STIP1: variants seen among roughly 807,000 people sequenced by gnomAD.
STIP1 encodes the protein stress induced phosphoprotein 1.
Under a neutral mutation model 77.4 loss-of-function variants are expected in STIP1, and 16 were observed. That is an observed-to-expected ratio of 0.21 (90% CI 0.14 to 0.31). The LOEUF is 0.31. Among genes scored for constraint, STIP1 ranks in the 10% least tolerant of loss-of-function variants. The pLI is 1.00. For synonymous variants in STIP1, 258 were observed against 246.6 expected (o/e 1.05, Z -0.44); for missense variants, 524 against 684.8 (o/e 0.77, Z 2.62).
At chr11:64,201,230 G>C (rs1291336256) in intron 10 of STIP1, among the ~76,000 whole-genome samples, 1 of 152,110 alleles carries the variant, frequency 6.6e-6, no homozygotes, top group Non-Finnish European at 1.5e-5. Flanking sequence ...TATAGAGACA[G>C]GGTTTCACCA....
At chr11:64,202,638 A>G (rs1196474388) in intron 10 of STIP1, 1 of 567,448 alleles carries the variant, frequency 1.8e-6, no homozygotes, top group African/African-American at 1.9e-5. Flanking sequence ...TGTACTCTTC[A>G]GTTTCTCAAA....
Position 64,194,048 on chromosome 11 carries a change from A to G in STIP1, c.220-141A>G, listed in dbSNP as rs186910070. The G allele has an allele frequency of 1.7e-3, 2,025 of 1,167,946 alleles. 28 individuals carry two copies. In the South Asian group the frequency reaches 0.025, roughly 14 times the overall value. The allele number at this position is 1,167,946 out of a possible 1,614,324, so 72.3% of individuals were successfully genotyped here. On this transcript the variant is annotated intron_variant, in intron 2 of 13. Transcript: ENST00000305218. ...AGTAGCAGCCTTGGCCTCGTAGCCT[A>G]CTCCTCTCCTTTTTTTCTCTTTGGC... is the stretch of plus-strand genomic sequence containing the variant.
rs1946249493 is a variant in STIP1, at chr11:64,203,820, A to G, written c.1559+198A>G. On this transcript the variant is annotated intron_variant, in intron 13 of 13. Coordinates refer to ENST00000305218, the MANE Select transcript of STIP1 (RefSeq NM_006819.3). ...GTGATAGCTTAAGCAGTCATTTGGA[A>G]AGGCCCATTTAGCTGGGAGAAAGGT... 3 of 793,168 alleles carry G rather than the reference A, an allele frequency of 3.8e-6. No homozygotes were observed. In the East Asian group the frequency reaches 8.0e-5, roughly 21 times the overall value. The allele number at this position is 793,168 out of a possible 1,614,324, so 49.1% of individuals were successfully genotyped here.
chr11:64,203,705 G>T (rs1429945210), intron 13 of STIP1, 83 bp downstream of exon 13: 1 of 1,548,402 alleles, frequency 6.5e-7, no homozygotes, highest in Admixed American at 1.8e-5. Context: ...GGGGTGGTAT[G>T]CTCAGTCTGC....
chr11:64,202,611 ATTT>A (rs1366479089), intron 10 of STIP1: 12 of 491,798 alleles, frequency 2.4e-5, no homozygotes, highest in African/African-American at 2.3e-4. Context: ...AGGCCCACGC[ATTT>A]TGTCTAGTTG....
rs766561338 is a variant in STIP1, at chr11:64,195,781, A to G, written c.640A>G (p.Met214Val). Residue 214 changes from methionine to valine, a missense_variant, in exon 5 of 14, where the codon ATG (methionine) becomes GTG (valine). By Grantham distance (21) the Met-to-Val change is conservative. Coordinates refer to ENST00000305218, the MANE Select transcript of STIP1 (RefSeq NM_006819.3). The stretch of plus-strand genomic sequence containing the variant: ...CAAAAAGGAGACCAAGCCAGAGCCA[A>G]TGGAAGAAGATCTTCCAGAGAATAA... ...PPKKETKPEPMEEDLPENKKQ... is the reference protein window; with the variant it reads ...PPKKETKPEPVEEDLPENKKQ... 1.2e-6 allele frequency: 2 copies of G among 1,614,158 alleles called. No individual in the cohort carries two copies. The highest frequency in any genetic ancestry group is 1.1e-5 in the South Asian group (1 of 91,080).
At position 64,194,243 on chromosome 11, in the gene STIP1, A is replaced by G; in HGVS notation, c.274A>G (p.Lys92Glu). The G allele has an allele frequency of 6.2e-7, 1 of 1,614,260 alleles. No homozygotes were observed. Among genetic ancestry groups the G allele is most frequent in the Non-Finnish European group, 8.5e-7 (1 of 1,180,052 alleles). Residue 92 changes from lysine to glutamate, a missense_variant, in exon 3 of 14, where the codon AAG becomes GAG. Physicochemically the swap from Lys to Glu is moderately conservative, Grantham distance 56 (BLOSUM62 1). Coordinates refer to ENST00000305218, the MANE Select transcript of STIP1 (RefSeq NM_006819.3). ...LEFLNRFEEA[K>E]RTYEEGLKHE... ...GTTCTTAAACCGCTTTGAAGAAGCC[A>G]AGCGAACCTATGAGGAGGGCTTAAA...
chr11:64,199,696 T>C (rs1946194339), intron 8 of STIP1, among the ~76,000 whole-genome samples: 1 of 150,308 alleles, frequency 6.7e-6, no homozygotes, highest in Non-Finnish European at 1.5e-5. Flanking sequence ...CCCGAGTAGC[T>C]GGGACTACAG....
Position 64,193,218 on chromosome 11 carries a change from G to A in STIP1, c.150G>A (p.Lys50=). 7 of 1,614,214 alleles carry A rather than the reference G, an allele frequency of 4.3e-6. No homozygotes were observed. The highest frequency in any genetic ancestry group is 5.1e-6 in the Non-Finnish European group (6 of 1,180,032). ...LYSNRSAAYA[K]KGDYQKAYED... ...GCAACCGTTCTGCTGCCTATGCCAA[G>A]AAAGGAGACTACCAGAAGGCTTATG... The change falls in exon 2 of 14, where the codon AAG becomes AAA. Residue 50 remains lysine (K), a synonymous_variant. Coordinates refer to ENST00000305218, the MANE Select transcript of STIP1 (RefSeq NM_006819.3).
At chr11:64,194,661 A>T in intron 4 of STIP1, 41 bp downstream of exon 4, 1 of 1,604,006 alleles carries the variant, frequency 6.2e-7, no homozygotes, top group African/African-American at 1.3e-5. Flanking sequence ...AAATCGGGGA[A>T]TGTTATGCTT....
At chr11:64,192,084 G>A (rs1051388716) in intron 1 of STIP1, among the ~76,000 whole-genome samples, 31 of 152,122 alleles carry the variant, frequency 2.0e-4, no homozygotes, top group Admixed American at 1.6e-3. Context: ...AGGCCAAGGC[G>A]TGTGGATCAC....
rs544898301 is a variant in STIP1 at position 64,187,367 on chromosome 11, ACTTGGG to A, written c.9+1098_9+1103del. On this transcript the variant is annotated intron_variant, in intron 1 of 13. Coordinates refer to ENST00000305218, the MANE Select transcript of STIP1 (RefSeq NM_006819.3). ...ACTGTCTTCGCTCCGGGCCCATAAC[ACTTGGG>A]GGTGACAATTCTGAAACTATACCTG... Among the ~76,000 whole-genome samples the A allele has an allele frequency of 2.6e-3, 401 of 151,862 alleles. 1 individual carries two copies. Among genetic ancestry groups the A allele is most frequent in the South Asian group, 1.0e-2 (48 of 4,804 alleles).
chr11:64,197,631 G>T lies in STIP1; in HGVS notation c.902+36G>T, dbSNP rs772257291. The T allele has an allele frequency of 4.2e-5, 67 of 1,611,030 alleles. No individual in the cohort carries two copies. The Admixed American group carries it at 1.1e-3, about 26-fold the overall frequency. The stretch of plus-strand genomic sequence containing the variant: ...CCTTCCAGAATACCTTGAGTAGCGC[G>T]GAGGGTTTGCTGTCCAAGACTTAAG... On this transcript the variant is annotated intron_variant, in intron 7 of 13. Transcript: ENST00000305218.
chr11:64,203,115 C>T lies in STIP1; in HGVS notation c.1283-10C>T, dbSNP rs567398134. The T allele has an allele frequency of 6.8e-6, 11 of 1,614,156 alleles. No individual in the cohort carries two copies. The highest frequency in any genetic ancestry group is 6.6e-5 in the South Asian group (6 of 91,074). ...GCGGTTGGATAACGCGCCACCTTTC[C>T]TGTTTGTAGTCAAGGGTTATACACG... On this transcript the variant is annotated splice_polypyrimidine_tract_variant and intron_variant, in intron 11 of 13. Transcript: ENST00000305218.
At position 64,188,058 on chromosome 11, in the gene STIP1, G is replaced by T. The variant is rs796588695; in HGVS notation, c.9+1788G>T. ...GTCTCAAAAAAAAAAAAAAAAAAAA[G>T]GATCTCGGCTGGGCGCAGTGGCTCA... On this transcript the variant is annotated intron_variant, in intron 1 of 13. Transcript: ENST00000305218. Among the ~76,000 whole-genome samples the T allele has an allele frequency of 3.0e-5, 4 of 134,530 alleles. No homozygotes were observed. The East Asian group carries it at 8.4e-4, about 28-fold the overall frequency. 88.3% of individuals were successfully genotyped at this position (134,530 alleles called of 152,430 possible). A position where few individuals can be genotyped will look rare whatever the true frequency, so the allele number is the denominator to read the frequency against.
Position 64,204,283 on chromosome 11 carries a change from G to C in STIP1, c.*157G>C. 1.4e-6 allele frequency: 1 copy of C among 716,704 alleles called. No homozygotes were observed. Among genetic ancestry groups the C allele is most frequent in the Non-Finnish European group, 2.2e-6 (1 of 444,816 alleles). The allele number at this position is 716,704 out of a possible 1,614,324, so 44.4% of individuals were successfully genotyped here. ...GGAAGACACAGAGACTCGTACCTGC[G>C]CTGTTTGTGCCGCCGCTGCCTCTGG... On this transcript the variant is annotated 3_prime_UTR_variant, in exon 14 of 14. Coordinates refer to ENST00000305218, the MANE Select transcript of STIP1 (RefSeq NM_006819.3).
At position 64,193,074 on chromosome 11, in the gene STIP1, T is replaced by G. The variant is rs1029959379; in HGVS notation, c.10-4T>G. The G allele has an allele frequency of 6.2e-7, 1 of 1,613,850 alleles. No individual in the cohort carries two copies. The highest frequency in any genetic ancestry group is 8.5e-7 in the Non-Finnish European group (1 of 1,180,002). ...AGAGAAGCTGTGTGTTCCTTTCCCCTCAGGTCAATGAGCTGAAGGAGAAAG... is the reference window on the plus strand; with the variant it reads ...AGAGAAGCTGTGTGTTCCTTTCCCCGCAGGTCAATGAGCTGAAGGAGAAAG... On this transcript the variant is annotated splice_region_variant and splice_polypyrimidine_tract_variant and intron_variant, in intron 1 of 13. Coordinates refer to ENST00000305218, the MANE Select transcript of STIP1 (RefSeq NM_006819.3).
intron 13 of STIP1, 175 bp from the exon 14 acceptor site, chr11:64,203,879 A>C (rs1946250456): frequency 1.2e-6 from 1 of 830,486 alleles, no homozygotes; most frequent in African/African-American, 1.7e-5. Context: ...GCTCAAGAGT[A>C]GGACTGGCAA....
Position 64,197,409 on chromosome 11 carries a change from A to G in STIP1, c.799+12A>G. The G allele has an allele frequency of 6.2e-7, 1 of 1,614,114 alleles. No individual in the cohort carries two copies. The highest frequency in any genetic ancestry group is 8.5e-7 in the Non-Finnish European group (1 of 1,180,028). ...TACCAATCAAGCAGGTGAGGCCCAG[A>G]AACAAGGGGCAAGGGAATTGTTGGG... On this transcript the variant is annotated intron_variant, in intron 6 of 13. Coordinates refer to ENST00000305218, the MANE Select transcript of STIP1 (RefSeq NM_006819.3).
Sources: gnomAD v4.1 joint callset for allele counts (sites outside exome capture counted in the v4.1 genomes callset) on GRCh38, gnomAD v4.1.1 for gene constraint, MANE v1.5 for transcripts, NCBI Gene and HGNC (gene_info 2026-07-23, HGNC 2026-07-21) for gene names.